The following DHX15 variants were observed in gnomAD, a reference collection of about 807,000 sequenced individuals.
DHX15 encodes the protein DEAH-box helicase 15.
In DHX15, 11 loss-of-function variants were observed where a neutral mutation model predicts 94.4. The observed-to-expected ratio is 0.12, with a 90% CI of 0.07 to 0.19. The LOEUF (loss-of-function observed/expected upper bound fraction) is 0.19, where lower values mean the gene tolerates loss of function less well. Ranked by LOEUF, DHX15 falls within the 10% of genes least tolerant of loss-of-function variation. DHX15 has a pLI of 1.00. For missense variants in DHX15, 304 were observed against 988.5 expected (o/e 0.31, Z 9.29); for synonymous variants, 338 against 329.9 (o/e 1.02, Z -0.27).
At position 24,575,860 on chromosome 4, in the gene DHX15, T is replaced by G. The variant is rs529833027; in HGVS notation, c.507+383A>C. Among the ~76,000 whole-genome samples, 6 of 152,336 alleles carry G rather than the reference T, an allele frequency of 3.9e-5. No homozygotes were observed. In the East Asian group the frequency reaches 1.2e-3, roughly 29 times the overall value. Reference sequence around the variant, plus strand: ...CACCGGTATAGACTTTATATTACTTTGGCATTTCATTTTTTGCATGGTTCA... The same window carrying G: ...CACCGGTATAGACTTTATATTACTTGGGCATTTCATTTTTTGCATGGTTCA... On this transcript the variant is annotated intron_variant, in intron 2 of 13. Transcript: ENST00000336812.
intron 5 of DHX15, among the ~76,000 whole-genome samples, chr4:24,552,822 T>A (rs1262024348): frequency 6.6e-6 from 1 of 152,242 alleles, no homozygotes; most frequent in Non-Finnish European, 1.5e-5. Flanking sequence ...TTTTATTTCA[T>A]GAAAGACACT....
intron 2 of DHX15, among the ~76,000 whole-genome samples, chr4:24,575,828 C>A (rs1353835086): frequency 6.6e-6 from 1 of 152,142 alleles, no homozygotes; most frequent in Non-Finnish European, 1.5e-5. Flanking sequence ...ACTAGATGGA[C>A]AAAAGTCACC....
At chr4:24,577,115 A>G (rs1344754164) in intron 1 of DHX15, among the ~76,000 whole-genome samples, 2 of 152,228 alleles carry the variant, frequency 1.3e-5, no homozygotes, top group Non-Finnish European at 2.9e-5. Flanking sequence ...TAGCACAAAC[A>G]CTGCTACTGG....
intron 3 of DHX15, among the ~76,000 whole-genome samples, chr4:24,569,100 ATTG>A (rs1722061402): frequency 2.0e-5 from 3 of 152,218 alleles, no homozygotes; most frequent in Non-Finnish European, 4.4e-5. Context: ...GATCCAATAA[ATTG>A]TTTTAAGTTA....
chr4:24,548,127 G>A (rs1417845646), intron 6 of DHX15, among the ~76,000 whole-genome samples: 2 of 146,762 alleles, frequency 1.4e-5, no homozygotes, highest in African/African-American at 5.0e-5. Flanking sequence ...CTTATGCAGT[G>A]TGATCAGTGC....
At chr4:24,573,335 A>G (rs376411146) in intron 2 of DHX15, among the ~76,000 whole-genome samples, 87 of 152,322 alleles carry the variant, frequency 5.7e-4, no homozygotes, top group African/African-American at 2.0e-3. Flanking sequence ...GTGAAGTCTT[A>G]TATGTTCTAA....
chr4:24,528,178 A>G, intron 13 of DHX15, 137 bp from the exon 14 acceptor site: 2 of 603,560 alleles, frequency 3.3e-6, no homozygotes, highest in Non-Finnish European at 2.9e-6. Flanking sequence ...GAAAAATACA[A>G]ATAACTAATC....
chr4:24,562,707 C>A (rs1330424187), intron 3 of DHX15, among the ~76,000 whole-genome samples: 1 of 152,174 alleles, frequency 6.6e-6, no homozygotes, highest in Non-Finnish European at 1.5e-5. Context: ...ATAATCCTGT[C>A]TCCATCAGTT....
chr4:24,542,028 G>A lies in DHX15; in HGVS notation c.1336-6C>T, dbSNP rs2109397044. 2 of 1,581,736 alleles carry A rather than the reference G, an allele frequency of 1.3e-6. No homozygotes were observed. Among genetic ancestry groups the A allele is most frequent in the East Asian group, 2.3e-5 (1 of 44,076 alleles). ...CTGATTCGAGGATTGTAGACCTATT[G>A]GAATTGAAATAACACAAGAGTCTTT... On this transcript the variant is annotated splice_polypyrimidine_tract_variant and splice_region_variant and intron_variant, in intron 7 of 13. Transcript: ENST00000336812.
chr4:24,533,324 A>G, intron 11 of DHX15: 1 of 465,158 alleles, frequency 2.1e-6, no homozygotes, highest in Non-Finnish European at 3.9e-6. Flanking sequence ...TACTTCTCCC[A>G]TTAACATCCA....
intron 5 of DHX15, among the ~76,000 whole-genome samples, chr4:24,551,954 A>G (rs1335820595): frequency 6.6e-6 from 1 of 152,230 alleles, no homozygotes; most frequent in Non-Finnish European, 1.5e-5. Flanking sequence ...GTATGCAAGG[A>G]GCTAAAACAA....
At chr4:24,552,039 A>G (rs1200694048) in intron 5 of DHX15, among the ~76,000 whole-genome samples, 1 of 152,230 alleles carries the variant, frequency 6.6e-6, no homozygotes, top group Non-Finnish European at 1.5e-5. Context: ...TTTTTAGATA[A>G]AGTCCTAAAC....
chr4:24,553,759 C>T (rs764455272), intron 5 of DHX15, among the ~76,000 whole-genome samples: 40 of 152,000 alleles, frequency 2.6e-4, no homozygotes, highest in Non-Finnish European at 5.6e-4. Context: ...GCCTGGTTGA[C>T]AGAGCGCGAC....
chr4:24,566,831 A>G (rs571632638), intron 3 of DHX15, among the ~76,000 whole-genome samples: 1 of 152,318 alleles, frequency 6.6e-6, no homozygotes, highest in East Asian at 1.9e-4. Context: ...CTCTATCTCA[A>G]AAATAAATAA....
rs74413949 is a variant in DHX15 at position 24,531,751 on chromosome 4, T to C, written c.2100+1113A>G. On this transcript the variant is annotated intron_variant, in intron 12 of 13. Transcript: ENST00000336812. Reference sequence around the variant, plus strand: ...CCTCCCCCTAAAAAAGAACAGAACATGTCAAAGAGAAGCCAGTACAACATA... The same window carrying C: ...CCTCCCCCTAAAAAAGAACAGAACACGTCAAAGAGAAGCCAGTACAACATA... 8.4e-3 allele frequency among the ~76,000 whole-genome samples: 1,276 copies of C among 151,978 alleles called. 8 individuals carry two copies. Among genetic ancestry groups the C allele is most frequent in the Admixed American group, 0.016 (245 of 15,276 alleles).
At chr4:24,553,897 T>A (rs2109406337) in intron 5 of DHX15, among the ~76,000 whole-genome samples, 1 of 152,148 alleles carries the variant, frequency 6.6e-6, no homozygotes, top group South Asian at 2.1e-4. Flanking sequence ...AGCACACCTA[T>A]AAACACCCTA....
intron 1 of DHX15, among the ~76,000 whole-genome samples, 200 bp from the exon 2 acceptor site, chr4:24,576,878 C>T (rs1043949548): frequency 6.6e-6 from 1 of 152,204 alleles, no homozygotes; most frequent in Admixed American, 6.5e-5. Context: ...CCCTTCCTTG[C>T]TGATGCCCCA....
At position 24,540,792 on chromosome 4, in the gene DHX15, C is replaced by T. The variant is rs375272959; in HGVS notation, c.1594+48G>A. 3.4e-5 allele frequency: 37 copies of T among 1,073,812 alleles called. No individual in the cohort carries two copies. In the African/African-American group the frequency reaches 4.5e-4, roughly 13 times the overall value. The allele number at this position is 1,073,812 out of a possible 1,614,324, so 66.5% of individuals were successfully genotyped here. On this transcript the variant is annotated intron_variant, in intron 9 of 13. Transcript: ENST00000336812. ...TAGGATGGAGAAAAACACTAAGAGTCAATTTTGGTTAAAAGATCTGATAAA... is the reference window on the plus strand; with the variant it reads ...TAGGATGGAGAAAAACACTAAGAGTTAATTTTGGTTAAAAGATCTGATAAA...
At chr4:24,578,989 G>GTAA (rs369715363) in intron 1 of DHX15, among the ~76,000 whole-genome samples, 68 of 152,290 alleles carry the variant, frequency 4.5e-4, no homozygotes, top group African/African-American at 1.4e-3. Flanking sequence ...GTTTGTTAAA[G>GTAA]TAATACCTAT....
Sources: gnomAD v4.1 joint callset for allele counts (sites outside exome capture counted in the v4.1 genomes callset) on GRCh38, gnomAD v4.1.1 for gene constraint, MANE v1.5 for transcripts, NCBI Gene and HGNC (gene_info 2026-07-23, HGNC 2026-07-21) for gene names.